The following IMMP2L variants were observed in gnomAD, a reference collection of about 807,000 sequenced individuals.
The protein encoded by IMMP2L is inner mitochondrial membrane peptidase subunit 2, also known as mitochondrial inner membrane protease subunit 2.
Under a neutral mutation model 19.3 loss-of-function variants are expected in IMMP2L, and 18 were observed. The ratio of observed to expected loss-of-function variants is 0.93; its 90% CI spans 0.64 to 1.38. The LOEUF is 1.38. IMMP2L is among the 40% of genes most tolerant of loss of function. IMMP2L has a pLI of 0.00. For missense variants in IMMP2L, 233 were observed against 218.2 expected, an observed-to-expected ratio of 1.07 and a Z score of -0.43; for synonymous variants, 76 against 73.0, an observed-to-expected ratio of 1.04 and a Z score of -0.21.
Position 110,728,737 on chromosome 7 carries a change from C to G in IMMP2L, c.409-65016G>C, listed in dbSNP as rs1796059698. 6.6e-6 allele frequency among the ~76,000 whole-genome samples: 1 copy of G among 152,154 alleles called. No homozygotes were observed. On this transcript the variant is annotated intron_variant, in intron 5 of 5. Transcript: ENST00000405709. The surrounding 1 kb of genome is among the most constrained non-coding windows in gnomAD (Gnocchi z 4.6). ...TGTACTGAATGCCTATCTCCATGCA[C>G]TGTACTATGGGTTCTGTGCATATTA...
chr7:111,119,005 C>A (rs779905624), intron 3 of IMMP2L, among the ~76,000 whole-genome samples: 1 of 152,072 alleles, frequency 6.6e-6, no homozygotes, highest in Non-Finnish European at 1.5e-5. Flanking sequence ...AAGACACCCA[C>A]CAGGATAATT....
chr7:110,796,964 C>G (rs1800905576), intron 5 of IMMP2L, among the ~76,000 whole-genome samples: 1 of 151,990 alleles, frequency 6.6e-6, no homozygotes, highest in South Asian at 2.1e-4. Context: ...TTGTAAGCCT[C>G]TGGTTTGTAG....
At chr7:110,674,911 G>A (rs1792182560) in intron 5 of IMMP2L, among the ~76,000 whole-genome samples, 1 of 151,980 alleles carries the variant, frequency 6.6e-6, no homozygotes, top group Non-Finnish European at 1.5e-5. Context: ...TTAGATCCCT[G>A]GATCTCTCTT....
intron 5 of IMMP2L, among the ~76,000 whole-genome samples, chr7:110,768,655 C>T (rs1302514987): frequency 3.9e-5 from 6 of 152,158 alleles, no homozygotes; most frequent in South Asian, 2.1e-4. Context: ...GGCCAGCTTC[C>T]GCTTATCCTA....
rs1001964361 is a variant in IMMP2L, at chr7:111,100,267, T to A, written c.240-136702A>T. 7.3e-5 allele frequency among the ~76,000 whole-genome samples: 11 copies of A among 151,506 alleles called. No homozygotes were observed. In the South Asian group the frequency reaches 2.3e-3, roughly 31 times the overall value. Reference sequence around the variant, plus strand: ...ACACTGTACCCAATGCCTTATCACATATTTCTTAGAATAAGCATAATATAT... The same window carrying A: ...ACACTGTACCCAATGCCTTATCACAAATTTCTTAGAATAAGCATAATATAT... On this transcript the variant is annotated intron_variant, in intron 3 of 5. Transcript: ENST00000405709.
chr7:110,935,935 G>A (rs984263311), intron 4 of IMMP2L, among the ~76,000 whole-genome samples: 4 of 152,036 alleles, frequency 2.6e-5, no homozygotes, highest in South Asian at 2.1e-4. Flanking sequence ...CCTGACAAAA[G>A]CAAGCAATGG....
intron 1 of IMMP2L, among the ~76,000 whole-genome samples, chr7:111,540,220 G>A (rs559819647): frequency 3.2e-4 from 48 of 152,232 alleles, no homozygotes; most frequent in African/African-American, 1.1e-3. Context: ...CAGGGGCTCC[G>A]GGTAACTGAA....
chr7:111,397,350 T>C (rs1178576696), intron 3 of IMMP2L, among the ~76,000 whole-genome samples: 1 of 152,150 alleles, frequency 6.6e-6, no homozygotes, highest in Non-Finnish European at 1.5e-5. Flanking sequence ...TTTGTAAATA[T>C]TGTAGTTGAT....
At chr7:110,814,895 T>C (rs1268150270) in intron 5 of IMMP2L, among the ~76,000 whole-genome samples, 1 of 151,970 alleles carries the variant, frequency 6.6e-6, no homozygotes, top group African/African-American at 2.4e-5. Context: ...CTCCTCAATA[T>C]GCCAGGGACC....
At position 110,783,590 on chromosome 7, in the gene IMMP2L, TACTC is replaced by T. The variant is rs142793360; in HGVS notation, c.408+102999_408+103002del. ...TACTCCTGGTATATATAGACAGTCT[TACTC>T]AATGGAAGTGTGAATGTTTAAGTAA... On this transcript the variant is annotated intron_variant, in intron 5 of 5. Coordinates refer to ENST00000405709, the MANE Select transcript of IMMP2L (RefSeq NM_032549.4). 7.5e-3 allele frequency among the ~76,000 whole-genome samples: 1,141 copies of T among 152,036 alleles called. 6 individuals carry two copies. The highest frequency in any genetic ancestry group is 0.01 in the Non-Finnish European group (689 of 67,900).
intron 3 of IMMP2L, among the ~76,000 whole-genome samples, chr7:111,143,364 C>CA (rs1803142790): frequency 6.6e-6 from 1 of 152,140 alleles, no homozygotes; most frequent in Non-Finnish European, 1.5e-5. Context: ...ACACTCATGA[C>CA]ACAAGGCTAT....
At chr7:110,897,899 T>C (rs962338306) in intron 4 of IMMP2L, among the ~76,000 whole-genome samples, 12 of 152,144 alleles carry the variant, frequency 7.9e-5, no homozygotes, top group Admixed American at 5.9e-4. Flanking sequence ...AATGTGAATA[T>C]GGGAATCATT....
chr7:111,544,061 A>G (rs1414304665), intron 1 of IMMP2L, among the ~76,000 whole-genome samples: 1 of 152,168 alleles, frequency 6.6e-6, no homozygotes, highest in Non-Finnish European at 1.5e-5. Context: ...AAAATTAAGT[A>G]TGGCTCTAAA....
At chr7:110,878,718 A>T (rs936279920) in intron 5 of IMMP2L, among the ~76,000 whole-genome samples, 1 of 152,064 alleles carries the variant, frequency 6.6e-6, no homozygotes, top group African/African-American at 2.4e-5. Flanking sequence ...AATGTATTTT[A>T]AAAAACTGAA....
At chr7:111,081,428 G>A (rs1330683853) in intron 3 of IMMP2L, among the ~76,000 whole-genome samples, 4 of 152,182 alleles carry the variant, frequency 2.6e-5, no homozygotes, top group Non-Finnish European at 5.9e-5. Flanking sequence ...TATTGTGCCT[G>A]TTTCTAGATT....
chr7:111,308,497 TTATTTC>T (rs1180332464), intron 3 of IMMP2L, among the ~76,000 whole-genome samples: 1 of 151,928 alleles, frequency 6.6e-6, no homozygotes, highest in Non-Finnish European at 1.5e-5. Context: ...GAGTCGGCCT[TTATTTC>T]TATGTATGGA....
intron 3 of IMMP2L, among the ~76,000 whole-genome samples, chr7:110,972,608 G>T (rs1220529131): frequency 6.6e-6 from 1 of 151,910 alleles, no homozygotes; most frequent in Non-Finnish European, 1.5e-5. Flanking sequence ...TTAGGTCAGG[G>T]GTTAAAAAAG....
At chr7:111,187,782 A>G (rs1444987973) in intron 3 of IMMP2L, among the ~76,000 whole-genome samples, 1 of 152,160 alleles carries the variant, frequency 6.6e-6, no homozygotes, top group South Asian at 2.1e-4. Flanking sequence ...AGGAAACTGA[A>G]GCACAGAGAC....
intron 4 of IMMP2L, among the ~76,000 whole-genome samples, chr7:110,896,370 T>A (rs917269059): frequency 3.9e-5 from 6 of 152,196 alleles, no homozygotes; most frequent in African/African-American, 1.4e-4. Flanking sequence ...TTGGGCTTTA[T>A]CATGGATACA....
Sources: allele counts gnomAD v4.1 joint callset (sites outside exome capture counted in the v4.1 genomes callset), GRCh38; gene constraint gnomAD v4.1.1; non-coding constraint Gnocchi (gnomAD v3.1); transcripts MANE v1.5; gene names NCBI Gene and HGNC (gene_info 2026-07-23, HGNC 2026-07-21).